Variants in MACROD2 observed in about 807,000 individuals in gnomAD.
MACROD2 encodes mono-ADP ribosylhydrolase 2.
In MACROD2, 36 loss-of-function variants were observed where a neutral mutation model predicts 70.4. The observed-to-expected ratio is 0.51, with a 90% CI of 0.39 to 0.68. The LOEUF (loss-of-function observed/expected upper bound fraction) is 0.68. MACROD2 is among the 30% of genes least tolerant of loss of function. The probability of loss-of-function intolerance (pLI) is 0.00; values close to 1 mark genes in which losing one functional copy is unlikely to be tolerated. For missense variants in MACROD2, 496 were observed against 538.4 expected, an observed-to-expected ratio of 0.92 and a Z score of 0.78; for synonymous variants, 172 against 178.8, an observed-to-expected ratio of 0.96 and a Z score of 0.30.
intron 4 of MACROD2, among the ~76,000 whole-genome samples, chr20:14,666,981 G>A (rs1039207867): frequency 6.6e-6 from 1 of 151,514 alleles, no homozygotes; most frequent in African/African-American, 2.4e-5. Flanking sequence ...CTACTAGATA[G>A]TCCTGTAGTT....
At chr20:15,637,750 T>C (rs931347326) in intron 8 of MACROD2, among the ~76,000 whole-genome samples, 3 of 152,216 alleles carry the variant, frequency 2.0e-5, no homozygotes, top group African/African-American at 7.2e-5. Flanking sequence ...GGTTGTGGGC[T>C]GATACCATGG....
chr20:15,379,829 T>C (rs1048224750), intron 6 of MACROD2, among the ~76,000 whole-genome samples: 2 of 152,172 alleles, frequency 1.3e-5, no homozygotes, highest in East Asian at 3.8e-4. Context: ...CATTAGATTA[T>C]GTCACTCCCA....
chr20:15,554,770 G>A (rs375541252), intron 8 of MACROD2, among the ~76,000 whole-genome samples: 115 of 152,268 alleles, frequency 7.6e-4, no homozygotes, highest in African/African-American at 2.7e-3. Flanking sequence ...GGCCATTTAA[G>A]GAGGGCATGA....
intron 15 of MACROD2, among the ~76,000 whole-genome samples, chr20:15,994,602 T>C (rs1447581418): frequency 6.6e-6 from 1 of 152,232 alleles, no homozygotes; most frequent in East Asian, 1.9e-4. Context: ...GCCAATGTCT[T>C]TGATGGTTCA....
At chr20:14,470,466 ATCT>A (rs946328197) in intron 3 of MACROD2, among the ~76,000 whole-genome samples, 4 of 152,122 alleles carry the variant, frequency 2.6e-5, no homozygotes, top group African/African-American at 7.2e-5. Context: ...GTGCTAGAAG[ATCT>A]TCTCTCTTCA....
At chr20:15,042,974 T>G (rs913630823) in intron 5 of MACROD2, among the ~76,000 whole-genome samples, 1 of 152,224 alleles carries the variant, frequency 6.6e-6, no homozygotes, top group Non-Finnish European at 1.5e-5. Context: ...TTTCCCTTCC[T>G]GGGGTTGTAT....
At chr20:14,457,464 G>A (rs1278429827) in intron 3 of MACROD2, among the ~76,000 whole-genome samples, 1 of 152,064 alleles carries the variant, frequency 6.6e-6, no homozygotes, top group Non-Finnish European at 1.5e-5. Context: ...AACTGGCTAT[G>A]ACATAGCAAA....
chr20:15,537,230 C>CA (rs1161522987), intron 8 of MACROD2, among the ~76,000 whole-genome samples: 13 of 152,076 alleles, frequency 8.5e-5, no homozygotes, highest in African/African-American at 3.1e-4. Context: ...TCTTATCTGC[C>CA]ACCAAGTAAT....
At chr20:15,025,698 C>T (rs1308933825) in intron 5 of MACROD2, among the ~76,000 whole-genome samples, 1 of 152,058 alleles carries the variant, frequency 6.6e-6, no homozygotes, top group African/African-American at 2.4e-5. Flanking sequence ...ATTCTTTGGT[C>T]TGGAGTAGGG....
chr20:14,629,409 A>G (rs1406666708), intron 4 of MACROD2, among the ~76,000 whole-genome samples: 2 of 152,226 alleles, frequency 1.3e-5, no homozygotes, highest in African/African-American at 4.8e-5. Flanking sequence ...TAGCTATTGT[A>G]CTTCTTCTTT....
At chr20:14,969,489 C>T (rs1349579115) in intron 5 of MACROD2, among the ~76,000 whole-genome samples, 1 of 151,762 alleles carries the variant, frequency 6.6e-6, no homozygotes, top group Non-Finnish European at 1.5e-5. Flanking sequence ...AACACAGAAG[C>T]TTACAGACCT....
intron 15 of MACROD2, among the ~76,000 whole-genome samples, chr20:16,028,351 C>G (rs1431731454): frequency 6.6e-6 from 1 of 150,818 alleles, no homozygotes; most frequent in Non-Finnish European, 1.5e-5. Context: ...TTTTGTATCC[C>G]AGAACATAAT....
chr20:15,628,358 T>C (rs2049237697), intron 8 of MACROD2, among the ~76,000 whole-genome samples: 2 of 152,210 alleles, frequency 1.3e-5, no homozygotes, highest in Admixed American at 1.3e-4. Context: ...TGAGGCCATA[T>C]TGCTAGCAAT....
intron 2 of MACROD2, among the ~76,000 whole-genome samples, chr20:14,066,652 C>T (rs1235726005): frequency 1.3e-5 from 2 of 152,118 alleles, no homozygotes; most frequent in African/African-American, 4.8e-5. Flanking sequence ...ATGTGACTCA[C>T]TGTAATACTT....
At chr20:15,937,388 A>T (rs2065680571) in intron 11 of MACROD2, 88 bp from the exon 12 acceptor site, 1 of 1,130,498 alleles carries the variant, frequency 8.8e-7, no homozygotes, top group South Asian at 1.2e-5. Flanking sequence ...TCTTTGGTGG[A>T]GAGTGGAGGG....
At chr20:15,837,832 C>T (rs2064130933) in intron 8 of MACROD2, among the ~76,000 whole-genome samples, 1 of 152,106 alleles carries the variant, frequency 6.6e-6, no homozygotes, top group African/African-American at 2.4e-5. Context: ...GTCCTAACCT[C>T]CTGTTTAGTC....
chr20:15,428,626 G>A (rs936545195), intron 6 of MACROD2, among the ~76,000 whole-genome samples: 1 of 152,102 alleles, frequency 6.6e-6, no homozygotes, highest in African/African-American at 2.4e-5. Flanking sequence ...CCTAGCCCAA[G>A]CCCCTTTACC....
chr20:15,210,557 T>TTG (rs1238859410), intron 5 of MACROD2, among the ~76,000 whole-genome samples: 1 of 151,372 alleles, frequency 6.6e-6, no homozygotes, highest in Non-Finnish European at 1.5e-5. Context: ...CTTCTGTTTT[T>TTG]TTTTTTTTTT....
At chr20:15,163,877 T>C (rs577296236) in intron 5 of MACROD2, among the ~76,000 whole-genome samples, 1 of 152,228 alleles carries the variant, frequency 6.6e-6, no homozygotes, top group South Asian at 2.1e-4. Flanking sequence ...TCAATAAATA[T>C]TTATCAAAAC....
Sources: allele counts gnomAD v4.1 joint callset (sites outside exome capture counted in the v4.1 genomes callset), GRCh38; gene constraint gnomAD v4.1.1; transcripts MANE v1.5; gene names NCBI Gene and HGNC (gene_info 2026-07-23, HGNC 2026-07-21).